DLGAP2: variants seen among roughly 807,000 people sequenced by gnomAD.
The protein encoded by DLGAP2 is disks large-associated protein 2.
In DLGAP2, 26 loss-of-function variants were observed where a neutral mutation model predicts 100.3. The ratio of observed to expected loss-of-function variants is 0.26; its 90% confidence interval spans 0.19 to 0.36. The LOEUF (loss-of-function observed/expected upper bound fraction) is 0.36. Among genes scored for constraint, DLGAP2 ranks in the 10% least tolerant of loss-of-function variants. The probability of loss-of-function intolerance (pLI) is 1.00; values close to 1 mark genes in which losing one functional copy is unlikely to be tolerated. For synonymous variants in DLGAP2, 886 were observed against 630.1 expected (o/e 1.41, Z -6.08); for missense variants, 1,858 against 1,453.2 (o/e 1.28, Z -4.53).
chr8:861,358 C>T (rs1797386562), intron 1 of DLGAP2, among the ~76,000 whole-genome samples: 1 of 152,146 alleles, frequency 6.6e-6, no homozygotes, highest in Non-Finnish European at 1.5e-5. Flanking sequence ...GCACGGGGTC[C>T]TGGAACCCCT....
chr8:1,104,761 C>T (rs745727601), intron 2 of DLGAP2: 1 of 152,290 alleles, frequency 6.6e-6, no homozygotes, highest in Admixed American at 6.5e-5. Context: ...GCTCCTGTGC[C>T]CGAGGCCTGT....
chr8:1,698,041 C>T (rs945146046), intron 14 of DLGAP2, among the ~76,000 whole-genome samples: 1 of 152,182 alleles, frequency 6.6e-6, no homozygotes, highest in African/African-American at 2.4e-5. Flanking sequence ...AGTCAGCATC[C>T]TTTGGGGAAG....
chr8:1,095,857 CA>C (rs1416254457), intron 2 of DLGAP2, among the ~76,000 whole-genome samples: 1 of 152,146 alleles, frequency 6.6e-6, no homozygotes, highest in Admixed American at 6.5e-5. Flanking sequence ...CAGTGTGGGC[CA>C]AGCTTGAGAT....
chr8:1,181,694 A>G (rs545106379), intron 2 of DLGAP2, among the ~76,000 whole-genome samples: 1 of 152,298 alleles, frequency 6.6e-6, no homozygotes, highest in African/African-American at 2.4e-5. Flanking sequence ...AAAGTTAAAT[A>G]AGAAATGAAC....
chr8:1,047,059 A>G (rs1217741226), intron 2 of DLGAP2, among the ~76,000 whole-genome samples: 1 of 152,210 alleles, frequency 6.6e-6, no homozygotes, highest in Non-Finnish European at 1.5e-5. Flanking sequence ...ATATTCACAG[A>G]GTTGTGCAGC....
intron 1 of DLGAP2, among the ~76,000 whole-genome samples, chr8:836,384 G>A (rs1347093903): frequency 1.3e-5 from 2 of 152,218 alleles, no homozygotes; most frequent in East Asian, 1.9e-4. Flanking sequence ...GTCTTGGGGC[G>A]CTGGGCCTTG....
intron 1 of DLGAP2, among the ~76,000 whole-genome samples, chr8:771,518 C>G (rs1259417260): frequency 1.3e-5 from 2 of 152,230 alleles, no homozygotes. Flanking sequence ...GTACTTGCTA[C>G]TTAATTGTTT....
chr8:832,940 G>A, intron 1 of DLGAP2, among the ~76,000 whole-genome samples: 1 of 152,190 alleles, frequency 6.6e-6, no homozygotes, highest in Non-Finnish European at 1.5e-5. Flanking sequence ...GATGGCTACA[G>A]GGCCCCTCGT....
chr8:1,182,637 C>G (rs1260519541), intron 2 of DLGAP2, among the ~76,000 whole-genome samples: 1 of 152,200 alleles, frequency 6.6e-6, no homozygotes, highest in African/African-American at 2.4e-5. Context: ...GTTGCCTGTC[C>G]TTCTGTGACC....
intron 8 of DLGAP2, among the ~76,000 whole-genome samples, chr8:1,645,366 T>C (rs1198623215): frequency 1.3e-5 from 2 of 152,226 alleles, no homozygotes; most frequent in Non-Finnish European, 2.9e-5. Flanking sequence ...AGTGAGACGA[T>C]GTTGGCCAAC....
At chr8:1,573,230 G>T (rs1802816000) in intron 6 of DLGAP2, among the ~76,000 whole-genome samples, 1 of 137,568 alleles carries the variant, frequency 7.3e-6, no homozygotes, top group South Asian at 2.7e-4. Flanking sequence ...AGGAGAGAGG[G>T]TGAACTGGAG....
intron 1 of DLGAP2, among the ~76,000 whole-genome samples, chr8:811,397 C>T (rs1796367442): frequency 6.8e-6 from 1 of 148,058 alleles, no homozygotes; most frequent in Non-Finnish European, 1.5e-5. Flanking sequence ...GGGGGCCCAG[C>T]CAGGGCTCCT....
intron 2 of DLGAP2, among the ~76,000 whole-genome samples, chr8:972,315 A>G (rs1423607539): frequency 6.6e-6 from 1 of 152,236 alleles, no homozygotes; most frequent in Non-Finnish European, 1.5e-5. Flanking sequence ...CAAAGCAAGC[A>G]CCAAAATAAG....
chr8:1,039,860 GTGGTCGGCTCATTGTGCA>G (rs1193229142), intron 2 of DLGAP2, among the ~76,000 whole-genome samples: 12 of 146,378 alleles, frequency 8.2e-5, no homozygotes, highest in Non-Finnish European at 1.3e-4. Flanking sequence ...CTCGGTGTGC[GTGGTCGGCTCATTGTGCA>G]TGGTCGGCTC....
chr8:1,278,173 C>G (rs1799743651), intron 3 of DLGAP2, among the ~76,000 whole-genome samples: 1 of 152,226 alleles, frequency 6.6e-6, no homozygotes, highest in Non-Finnish European at 1.5e-5. Context: ...TGTTCCAGCT[C>G]TTTCTCCTCC....
intron 2 of DLGAP2, among the ~76,000 whole-genome samples, chr8:1,004,840 T>C (rs1801060484): frequency 6.6e-6 from 1 of 152,178 alleles, no homozygotes; most frequent in Non-Finnish European, 1.5e-5. Flanking sequence ...CAAGGCATTA[T>C]CATATGTTTT....
At chr8:1,446,343 T>C (rs1402641526) in intron 3 of DLGAP2, among the ~76,000 whole-genome samples, 2 of 152,152 alleles carry the variant, frequency 1.3e-5, no homozygotes, top group East Asian at 1.9e-4. Context: ...ATTTATTAAA[T>C]AGGGAATCCT....
chr8:777,419 T>C (rs1821553760), intron 1 of DLGAP2, among the ~76,000 whole-genome samples: 1 of 152,178 alleles, frequency 6.6e-6, no homozygotes, highest in Non-Finnish European at 1.5e-5. Flanking sequence ...ATTTTGCTCG[T>C]TAGTTGATGC....
At chr8:1,379,753 G>A (rs552809514) in intron 3 of DLGAP2, 1 of 152,422 alleles carries the variant, frequency 6.6e-6, no homozygotes, top group African/African-American at 2.4e-5. Flanking sequence ...CTGGGAGAAG[G>A]GAGGTTGTGC....
Sources: gnomAD v4.1 joint callset for allele counts (sites outside exome capture counted in the v4.1 genomes callset) on GRCh38, gnomAD v4.1.1 for gene constraint, MANE v1.5 for transcripts, NCBI Gene and HGNC (gene_info 2026-07-23, HGNC 2026-07-21) for gene names.